The following AVEN variants were observed in gnomAD, a reference collection of about 807,000 sequenced individuals.
AVEN encodes the protein apoptosis and caspase activation inhibitor, also known as cell death regulator Aven.
AVEN carries 41 observed loss-of-function variants against 38.1 expected under a neutral mutation model. The observed-to-expected ratio is 1.08, with a 90% CI of 0.84 to 1.40. The LOEUF (loss-of-function observed/expected upper bound fraction) is 1.40. Ranked by LOEUF, AVEN falls within the 40% of genes most tolerant of loss-of-function variation. The pLI, the probability that AVEN is intolerant of heterozygous loss-of-function variation, is 0.00. For synonymous variants in AVEN, 206 were observed against 171.8 expected, an observed-to-expected ratio of 1.20 and a Z score of -1.56; for missense variants, 605 against 438.8, an observed-to-expected ratio of 1.38 and a Z score of -3.38.
At chr15:33,859,862 T>A in intron 11 of AVEN, 2 of 1,004,634 alleles carry the variant, frequency 2.0e-6, no homozygotes, top group East Asian at 2.6e-5. Flanking sequence ...CAAGAACTAA[T>A]TTAGCATCTA....
intron 2 of AVEN, among the ~76,000 whole-genome samples, chr15:33,929,697 T>G (rs1018753926): frequency 2.6e-5 from 4 of 152,220 alleles, no homozygotes; most frequent in Non-Finnish European, 5.9e-5. Context: ...TAATTATTCT[T>G]TACTACCCTT....
intron 4 of AVEN, chr15:34,064,098 A>C: frequency 1.2e-6 from 2 of 1,614,138 alleles, no homozygotes; most frequent in Non-Finnish European, 1.7e-6. Context: ...GTATAACATC[A>C]TGGTCCTGGT....
chr15:34,046,385 T>C (rs73389919), intron 5 of AVEN, among the ~76,000 whole-genome samples: 2,544 of 150,042 alleles, frequency 0.017, 85 homozygotes, highest in African/African-American at 0.06. Flanking sequence ...AGAAAATCTC[T>C]AAAGGCTAAT....
At chr15:34,025,028 G>A (rs1279063415) in intron 1 of AVEN, among the ~76,000 whole-genome samples, 3 of 151,480 alleles carry the variant, frequency 2.0e-5, no homozygotes, top group Non-Finnish European at 2.9e-5. Flanking sequence ...AAAATTAGCT[G>A]GGCATGGTGG....
intron 2 of AVEN, among the ~76,000 whole-genome samples, chr15:33,893,830 A>C (rs950901174): frequency 3.9e-5 from 6 of 152,220 alleles, no homozygotes; most frequent in African/African-American, 1.4e-4. Flanking sequence ...CAATAAATCA[A>C]AGAAGCAGTT....
At chr15:33,887,160 G>T (rs1481207277) in intron 2 of AVEN, among the ~76,000 whole-genome samples, 2 of 152,036 alleles carry the variant, frequency 1.3e-5, no homozygotes, top group Non-Finnish European at 2.9e-5. Context: ...AGAATCAGAG[G>T]TTCTATTACC....
rs201069315 is a variant in AVEN at position 33,955,665 on chromosome 15, TA to T, written c.445+47366del. On this transcript the variant is annotated intron_variant, in intron 2 of 5. Coordinates refer to ENST00000306730, the MANE Select transcript of AVEN (RefSeq NM_020371.3). Reference sequence around the variant, plus strand: ...TAAGAAATGTCGGGGGGATGGGAATTAAAAAGAAAAGCACCATTCTGTTAAA... The same window carrying T: ...TAAGAAATGTCGGGGGGATGGGAATTAAAAGAAAAGCACCATTCTGTTAAA... Among the ~76,000 whole-genome samples, 879 of 152,212 alleles carry T rather than the reference TA, an allele frequency of 5.8e-3. 6 individuals are homozygous for T. Among genetic ancestry groups the T allele is most frequent in the African/African-American group, 0.02 (841 of 41,536 alleles).
chr15:34,059,009 G>C (rs150603975), intron 5 of AVEN, among the ~76,000 whole-genome samples: 1,728 of 152,168 alleles, frequency 0.011, 41 homozygotes, highest in African/African-American at 0.04. Flanking sequence ...CAATTCTCCT[G>C]CCTCAACCTC....
intron 2 of AVEN, among the ~76,000 whole-genome samples, chr15:33,905,745 C>T (rs1025085615): frequency 2.6e-5 from 4 of 151,638 alleles, no homozygotes; most frequent in African/African-American, 9.7e-5. Context: ...GCTTGAGCTC[C>T]AGAGGTGGAA....
At chr15:33,859,544 T>C (rs1294293221) in intron 11 of AVEN, 2 of 1,612,600 alleles carry the variant, frequency 1.2e-6, no homozygotes, top group Non-Finnish European at 1.7e-6. Flanking sequence ...CTGTGACTTT[T>C]GCCTAAATCC....
intron 2 of AVEN, among the ~76,000 whole-genome samples, chr15:33,931,756 A>T (rs2153051092): frequency 6.6e-6 from 1 of 152,344 alleles, no homozygotes; most frequent in South Asian, 2.1e-4. Flanking sequence ...TTAAAAAAAT[A>T]AAGAGCTTGG....
At chr15:34,062,909 T>G in intron 5 of AVEN, 1 of 1,614,194 alleles carries the variant, frequency 6.2e-7, no homozygotes, top group Non-Finnish European at 8.5e-7. Flanking sequence ...TCAAGACAGT[T>G]AACAACTATT....
At chr15:34,042,121 T>C (rs1567485226), upstream of AVEN, among the ~76,000 whole-genome samples, 1 of 152,170 alleles carries the variant, frequency 6.6e-6, no homozygotes, top group Non-Finnish European at 1.5e-5. Flanking sequence ...GTTATTAAGG[T>C]TTAAAAATAC....
chr15:33,907,829 TA>T (rs1892765311), intron 2 of AVEN, among the ~76,000 whole-genome samples: 1 of 147,306 alleles, frequency 6.8e-6, no homozygotes, highest in Non-Finnish European at 1.5e-5. Context: ...GATTTCAACA[TA>T]AAAAAGTTAA....
At chr15:33,968,099 T>TAAAAAAAAAAAAAAAAAAAAAAAA (rs71119906) in intron 2 of AVEN, among the ~76,000 whole-genome samples, 1 of 25,852 alleles carries the variant, frequency 3.9e-5, no homozygotes, top group African/African-American at 1.1e-4. Flanking sequence ...TAGCAAAGCT[T>TAAAAAAAAAAAAAAAAAAAAAAAA]AAAAAAAAAA....
chr15:34,054,690 G>C (rs959105030), intron 5 of AVEN, among the ~76,000 whole-genome samples: 1 of 152,132 alleles, frequency 6.6e-6, no homozygotes, highest in Admixed American at 6.6e-5. Flanking sequence ...GTGGGGGTGA[G>C]GGTAGGAGGA....
upstream of AVEN, among the ~76,000 whole-genome samples, chr15:34,043,882 T>C (rs1044905359): frequency 6.6e-6 from 1 of 152,188 alleles, no homozygotes; most frequent in Admixed American, 6.5e-5. Flanking sequence ...TGTACCTATA[T>C]TGTCTGCCTT....
At chr15:33,870,897 C>T in intron 4 of AVEN, 38 bp downstream of exon 4, 1 of 1,520,984 alleles carries the variant, frequency 6.6e-7, no homozygotes, top group Non-Finnish European at 9.1e-7. Flanking sequence ...TCCTCCTGCC[C>T]TAATCCACCC....
chr15:33,896,294 C>A (rs1892229737), intron 2 of AVEN, among the ~76,000 whole-genome samples: 1 of 152,154 alleles, frequency 6.6e-6, no homozygotes, highest in Non-Finnish European at 1.5e-5. Context: ...AGAACTGACA[C>A]AGATATGAAA....
Sources: allele counts gnomAD v4.1 joint callset (sites outside exome capture counted in the v4.1 genomes callset), GRCh38; gene constraint gnomAD v4.1.1; transcripts MANE v1.5; gene names NCBI Gene and HGNC (gene_info 2026-07-23, HGNC 2026-07-21).